Variants in RSPO3 observed in about 807,000 individuals in gnomAD.
RSPO3 encodes R-spondin 3.
A neutral mutation model predicts 36.5 loss-of-function variants in RSPO3; 17 were observed. The observed-to-expected ratio is 0.47, with a 90% CI of 0.32 to 0.70. The LOEUF (loss-of-function observed/expected upper bound fraction) is 0.70, where lower values mean the gene tolerates loss of function less well. Among genes scored for constraint, RSPO3 ranks in the 30% least tolerant of loss-of-function variants. The probability of loss-of-function intolerance (pLI) is 0.04; values close to 1 mark genes in which losing one functional copy is unlikely to be tolerated. For missense variants in RSPO3, 294 were observed against 322.5 expected, an observed-to-expected ratio of 0.91 and a Z score of 0.68; for synonymous variants, 108 against 107.0, an observed-to-expected ratio of 1.01 and a Z score of -0.06.
intron 4 of RSPO3, among the ~76,000 whole-genome samples, chr6:127,163,549 A>G (rs1033370582): frequency 6.6e-5 from 10 of 151,878 alleles, no homozygotes; most frequent in African/African-American, 2.4e-4. Context: ...CTCTTAATCC[A>G]CTTTGTTCTC....
chr6:127,147,708 G>C (rs1162413633), intron 1 of RSPO3, among the ~76,000 whole-genome samples: 1 of 152,100 alleles, frequency 6.6e-6, no homozygotes, highest in African/African-American at 2.4e-5. Flanking sequence ...GTTCAGACTT[G>C]CTAATGAACA....
chr6:127,190,371 T>G (rs1052174494), intron 4 of RSPO3, among the ~76,000 whole-genome samples: 1 of 152,094 alleles, frequency 6.6e-6, no homozygotes, highest in African/African-American at 2.4e-5. Flanking sequence ...GAGGTTGCAG[T>G]GAGCCAGGAC....
At chr6:127,130,971 C>T (rs1936805) in intron 1 of RSPO3, among the ~76,000 whole-genome samples, 82,610 of 151,708 alleles carry the variant, frequency 0.54, 22,536 homozygotes, top group African/African-American at 0.61. Context: ...AAGATGGTAA[C>T]TCTCAGTCCC....
At chr6:127,131,453 A>G (rs749971413) in intron 1 of RSPO3, among the ~76,000 whole-genome samples, 11 of 152,110 alleles carry the variant, frequency 7.2e-5, no homozygotes, top group South Asian at 6.2e-4. Flanking sequence ...TACCCAAACT[A>G]TTTAATTCAC....
chr6:127,180,378 G>A (rs140293110), intron 4 of RSPO3, among the ~76,000 whole-genome samples: 6 of 150,642 alleles, frequency 4.0e-5, no homozygotes, highest in South Asian at 4.2e-4. Context: ...GGGAGTACAG[G>A]CACTGGGCAG....
intron 1 of RSPO3, among the ~76,000 whole-genome samples, chr6:127,132,715 G>T (rs1360368150): frequency 6.6e-6 from 1 of 151,968 alleles, no homozygotes; most frequent in Non-Finnish European, 1.5e-5. Flanking sequence ...ATTAAAACAG[G>T]GTAGTACCCT....
intron 1 of RSPO3, among the ~76,000 whole-genome samples, chr6:127,141,745 A>T (rs980615597): frequency 6.6e-6 from 1 of 152,180 alleles, no homozygotes; most frequent in Non-Finnish European, 1.5e-5. Flanking sequence ...AGTAGACTCT[A>T]TTATCCTAGC....
chr6:127,152,478 C>G (rs1294981514), intron 3 of RSPO3, among the ~76,000 whole-genome samples: 1 of 152,072 alleles, frequency 6.6e-6, no homozygotes, highest in Non-Finnish European at 1.5e-5. Context: ...AATATGAAAA[C>G]TAGGATCCGG....
intron 4 of RSPO3, among the ~76,000 whole-genome samples, chr6:127,173,608 A>C (rs1219048704): frequency 6.6e-6 from 1 of 151,892 alleles, no homozygotes; most frequent in Non-Finnish European, 1.5e-5. Flanking sequence ...ATGGTCTCCT[A>C]AATGCTGTGT....
In RSPO3 at chr6:127,197,933, A is replaced by G. The variant is rs1775548531; in HGVS notation, c.*1926A>G. Among the ~76,000 whole-genome samples, 1 of 152,214 alleles carries G rather than the reference A, an allele frequency of 6.6e-6. No homozygotes were observed. Among genetic ancestry groups the G allele is most frequent in the Non-Finnish European group, 1.5e-5 (1 of 68,036 alleles). ...TCCTACAGAATGATGTTAGGTAGAA[A>G]TATGTCCCCAGGTTTGAGACCTTTC... On this transcript the variant is annotated 3_prime_UTR_variant, in exon 5 of 5. Coordinates refer to ENST00000356698, the MANE Select transcript of RSPO3 (RefSeq NM_032784.5).
intron 4 of RSPO3, among the ~76,000 whole-genome samples, chr6:127,157,724 T>G (rs1183142181): frequency 6.6e-6 from 1 of 152,004 alleles, no homozygotes; most frequent in Non-Finnish European, 1.5e-5. Flanking sequence ...AATTTCCAGA[T>G]TTAGTCCTAC....
chr6:127,166,323 T>C (rs557725383), intron 4 of RSPO3, among the ~76,000 whole-genome samples: 63 of 151,964 alleles, frequency 4.1e-4, no homozygotes, highest in Non-Finnish European at 4.6e-4. Flanking sequence ...ATTTTTTTGC[T>C]CTTCTTACTG....
At chr6:127,172,241 ACACT>A (rs35591217) in intron 4 of RSPO3, among the ~76,000 whole-genome samples, 69,434 of 149,170 alleles carry the variant, frequency 0.47, 16,310 homozygotes, top group East Asian at 0.53. Flanking sequence ...ATACACAAAC[ACACT>A]CACACATACA....
In RSPO3 at chr6:127,195,937, A is replaced by G; in HGVS notation, c.749A>G (p.Asn250Ser). 1 of 1,613,396 alleles carries G rather than the reference A, an allele frequency of 6.2e-7. No individual in the cohort carries two copies. The highest frequency in any genetic ancestry group is 8.5e-7 in the Non-Finnish European group (1 of 1,179,494). Residue 250 changes from asparagine to serine, a missense_variant, in exon 5 of 5, where the codon AAC becomes AGC. Coordinates refer to ENST00000356698, the MANE Select transcript of RSPO3 (RefSeq NM_032784.5). Reference protein sequence around the residue: ...SSKEIPEQRENKQQQKKRKVQ... With the variant: ...SSKEIPEQRESKQQQKKRKVQ... ...AAAGAAATCCCAGAGCAACGAGAAA[A>G]CAAACAGCAGCAGAAGAAGCGAAAA...
At chr6:127,192,271 AG>A (rs1306878009) in intron 4 of RSPO3, among the ~76,000 whole-genome samples, 1 of 152,158 alleles carries the variant, frequency 6.6e-6, no homozygotes, top group Non-Finnish European at 1.5e-5. Context: ...TTTGGCACAG[AG>A]TAGGGGCTTT....
Position 127,196,162 on chromosome 6 carries a change from T to C in RSPO3, c.*155T>C, listed in dbSNP as rs1285118851. On this transcript the variant is annotated 3_prime_UTR_variant, in exon 5 of 5. Coordinates refer to ENST00000356698, the MANE Select transcript of RSPO3 (RefSeq NM_032784.5). Reference sequence around the variant, plus strand: ...AGTTGCTATATTCTTCATACAAGCATAGTTAACAACAAAGAGCCAAAAGAT... The same window carrying C: ...AGTTGCTATATTCTTCATACAAGCACAGTTAACAACAAAGAGCCAAAAGAT... The C allele has an allele frequency of 3.6e-5, 19 of 526,254 alleles. No homozygotes were observed. Among genetic ancestry groups the C allele is most frequent in the African/African-American group, 7.7e-5 (4 of 51,976 alleles). 32.6% of individuals were successfully genotyped at this position (526,254 alleles called of 1,614,324 possible).
intron 4 of RSPO3, among the ~76,000 whole-genome samples, chr6:127,161,475 G>T (rs563661680): frequency 6.6e-6 from 1 of 152,186 alleles, no homozygotes; most frequent in South Asian, 2.1e-4. Context: ...TTCAGACCAA[G>T]TTTGCTCCAT....
intron 4 of RSPO3, among the ~76,000 whole-genome samples, chr6:127,187,285 G>A (rs1775315158): frequency 6.6e-6 from 1 of 152,112 alleles, no homozygotes; most frequent in South Asian, 2.1e-4. Flanking sequence ...AAATATTAGT[G>A]TTAGGACGCC....
At chr6:127,128,924 A>G (rs1040179819) in intron 1 of RSPO3, among the ~76,000 whole-genome samples, 4 of 152,080 alleles carry the variant, frequency 2.6e-5, no homozygotes, top group African/African-American at 9.7e-5. Flanking sequence ...GGGAGTATAA[A>G]TAGGACAGTT....
Sources: allele counts gnomAD v4.1 joint callset (sites outside exome capture counted in the v4.1 genomes callset), GRCh38; gene constraint gnomAD v4.1.1; transcripts MANE v1.5; gene names NCBI Gene and HGNC (gene_info 2026-07-23, HGNC 2026-07-21).